GLG1: variants seen among roughly 807,000 people sequenced by gnomAD.
GLG1 encodes the protein golgi glycoprotein 1, also known as Golgi apparatus protein 1.
GLG1 carries 38 observed loss-of-function variants against 160.5 expected under a neutral mutation model. The observed-to-expected ratio is 0.24, with a 90% CI of 0.18 to 0.31. GLG1 has a LOEUF of 0.31. GLG1 is among the 10% of genes least tolerant of loss of function. The pLI is 1.00. For synonymous variants in GLG1, 644 were observed against 543.4 expected (o/e 1.19, Z -2.57); for missense variants, 1,373 against 1,505.2 (o/e 0.91, Z 1.45).
intron 23 of GLG1, among the ~76,000 whole-genome samples, chr16:74,458,632 C>G (rs1376535950): frequency 1.3e-5 from 2 of 152,068 alleles, no homozygotes; most frequent in African/African-American, 4.8e-5. Context: ...TATGACTGCA[C>G]CACTGCACTC....
intron 11 of GLG1, among the ~76,000 whole-genome samples, chr16:74,479,450 A>G (rs966857120): frequency 3.1e-4 from 47 of 151,736 alleles, no homozygotes; most frequent in Middle Eastern, 3.4e-3. Flanking sequence ...TGGAGAGAAA[A>G]AAAAAAAAAA....
chr16:74,606,822 AGGCGGCTGC>A lies in GLG1; in HGVS notation c.264_272del (p.Gln89_Pro91del). 6.2e-6 allele frequency: 10 copies of A among 1,603,906 alleles called. No homozygotes were observed. In the South Asian group the frequency reaches 6.6e-5, roughly 11 times the overall value. ...GGGCCGGAGGCCCACCCGCCGGGAA[AGGCGGCTGC>A]GGCGGCTGAGGCTGCTGTTGCTGTT... On this transcript the variant is annotated inframe_deletion, in exon 1 of 26. Transcript: ENST00000422840.
rs1330103941 is a variant in GLG1, at chr16:74,477,394, AC to A, written c.1965+1del. 1.2e-6 allele frequency: 2 copies of A among 1,607,980 alleles called. No individual in the cohort carries two copies. Among genetic ancestry groups the A allele is most frequent in the Non-Finnish European group, 1.7e-6 (2 of 1,174,568 alleles). ...AGACAAACAGAAAGCGATGTCACCT[AC>A]CTGTCCAGTCTCTGTTTTCTCACTG... On this transcript the variant is annotated splice_donor_variant, in intron 12 of 25. Transcript: ENST00000422840. LOFTEE classifies it high-confidence loss of function.
At chr16:74,537,727 T>G (rs1429195166) in intron 1 of GLG1, among the ~76,000 whole-genome samples, 1 of 145,580 alleles carries the variant, frequency 6.9e-6, no homozygotes, top group Non-Finnish European at 1.5e-5. Flanking sequence ...AAAATGTACT[T>G]ACTGAATTTC....
At chr16:74,558,700 G>C (rs2143727843) in intron 1 of GLG1, among the ~76,000 whole-genome samples, 1 of 152,304 alleles carries the variant, frequency 6.6e-6, no homozygotes, top group African/African-American at 2.4e-5. Flanking sequence ...CCCAAAGGAT[G>C]CGGAAAGTTT....
At chr16:74,553,981 A>C (rs2018281074) in intron 1 of GLG1, among the ~76,000 whole-genome samples, 1 of 152,202 alleles carries the variant, frequency 6.6e-6, no homozygotes, top group Admixed American at 6.5e-5. Context: ...TTGTCAATCT[A>C]GATTTATGAG....
At chr16:74,544,895 T>C (rs1173196087) in intron 1 of GLG1, among the ~76,000 whole-genome samples, 1 of 152,096 alleles carries the variant, frequency 6.6e-6, no homozygotes, top group East Asian at 1.9e-4. Context: ...TCTATAATTA[T>C]AATAATAATT....
chr16:74,538,347 C>T (rs1385520711), intron 1 of GLG1, among the ~76,000 whole-genome samples: 3 of 151,866 alleles, frequency 2.0e-5, no homozygotes, highest in African/African-American at 4.8e-5. Context: ...TCCCATCACA[C>T]GAACACTTCA....
intron 13 of GLG1, 154 bp from the exon 14 acceptor site, chr16:74,472,565 G>A (rs1210991322): frequency 2.0e-6 from 3 of 1,494,100 alleles, no homozygotes; most frequent in Non-Finnish European, 2.7e-6. Context: ...GATAGCCCCA[G>A]AATAAATATA....
At chr16:74,468,688 G>A (rs915201720) in intron 17 of GLG1, 2 of 462,736 alleles carry the variant, frequency 4.3e-6, no homozygotes, top group African/African-American at 3.9e-5. Flanking sequence ...TACTGATCCA[G>A]TGATTGGATC....
intron 1 of GLG1, among the ~76,000 whole-genome samples, chr16:74,584,577 T>G (rs543199210): frequency 6.6e-6 from 1 of 152,128 alleles, no homozygotes; most frequent in East Asian, 1.9e-4. Context: ...TATAATGAAC[T>G]CTGGGGACTT....
chr16:74,495,045 T>A (rs1470203928), intron 5 of GLG1, among the ~76,000 whole-genome samples: 1 of 151,850 alleles, frequency 6.6e-6, no homozygotes, highest in Non-Finnish European at 1.5e-5. Context: ...TTGGAGTTTG[T>A]CATTTGTTCT....
At chr16:74,591,776 A>G (rs925939127) in intron 1 of GLG1, among the ~76,000 whole-genome samples, 2 of 152,178 alleles carry the variant, frequency 1.3e-5, no homozygotes, top group African/African-American at 4.8e-5. Context: ...AAGGCCTTAC[A>G]TATTATTTTC....
chr16:74,469,040 C>A lies in GLG1; in HGVS notation c.2342G>T (p.Ser781Ile). Residue 781 changes from serine to isoleucine, a missense_variant, in exon 17 of 26, where the codon AGC (serine) becomes ATC (isoleucine). Physicochemically the swap from Ser to Ile is moderately radical, Grantham distance 142. Transcript: ENST00000422840. ...KKKVDVVICL[S>I]TTVRNDTLQE... is the part of the protein sequence containing the mutation. ...CAGAGTGTCATTGCGCACGGTCGTG[C>A]TCAGGCAGATCACCACGTCCACCCT... 6 of 1,613,958 alleles carry A rather than the reference C, an allele frequency of 3.7e-6. No individual in the cohort carries two copies. The highest frequency in any genetic ancestry group is 4.2e-6 in the Non-Finnish European group (5 of 1,179,784).
intron 2 of GLG1, among the ~76,000 whole-genome samples, chr16:74,519,308 G>A (rs1378018001): frequency 6.6e-6 from 1 of 151,442 alleles, no homozygotes; most frequent in African/African-American, 2.4e-5. Flanking sequence ...TCACAGGGAG[G>A]GGAACATCAC....
At chr16:74,561,332 T>C (rs890230888) in intron 1 of GLG1, among the ~76,000 whole-genome samples, 7 of 152,256 alleles carry the variant, frequency 4.6e-5, no homozygotes, top group African/African-American at 9.6e-5. Context: ...CCACAGTTAA[T>C]TGCTTTATAC....
intron 18 of GLG1, among the ~76,000 whole-genome samples, chr16:74,466,851 A>G (rs530521361): frequency 1.2e-4 from 18 of 152,206 alleles, no homozygotes; most frequent in Non-Finnish European, 2.4e-4. Flanking sequence ...AAAGAAATGA[A>G]AAGTACCAAA....
chr16:74,495,257 G>T (rs1216702444), intron 5 of GLG1, among the ~76,000 whole-genome samples: 3 of 152,004 alleles, frequency 2.0e-5, no homozygotes, highest in African/African-American at 7.2e-5. Context: ...GGGATTACAG[G>T]CCCCCGCCAC....
intron 3 of GLG1, 63 bp downstream of exon 3, chr16:74,508,776 G>C (rs958037536): frequency 2.6e-6 from 2 of 756,094 alleles, no homozygotes; most frequent in East Asian, 2.4e-5. Context: ...TTCTCATAAG[G>C]GCTGGTCTGG....
Sources: allele counts gnomAD v4.1 joint callset (sites outside exome capture counted in the v4.1 genomes callset), GRCh38; gene constraint gnomAD v4.1.1; transcripts MANE v1.5; gene names NCBI Gene and HGNC (gene_info 2026-07-23, HGNC 2026-07-21).